The following ST7L variants were observed in gnomAD, a reference collection of about 807,000 sequenced individuals.
ST7L encodes suppressor of tumorigenicity 7 protein-like.
ST7L carries 57 observed loss-of-function variants against 72.5 expected under a neutral mutation model. The observed-to-expected ratio is 0.79, with a 90% CI of 0.64 to 0.98. The LOEUF (loss-of-function observed/expected upper bound fraction) is 0.98, where lower values mean the gene tolerates loss of function less well. Among genes scored for constraint, ST7L ranks in the 50% least tolerant of loss-of-function variants. The pLI, the probability that ST7L is intolerant of heterozygous loss-of-function variation, is 0.00. For synonymous variants in ST7L, 221 were observed against 240.9 expected (o/e 0.92, Z 0.77); for missense variants, 576 against 672.2 (o/e 0.86, Z 1.58).
At chr1:112,603,599 C>T (rs527841723) in intron 3 of ST7L, among the ~76,000 whole-genome samples, 99 of 152,240 alleles carry the variant, frequency 6.5e-4, no homozygotes, top group Non-Finnish European at 1.3e-3. Flanking sequence ...CTTCTATTAA[C>T]TGAACTTTTT....
rs368009648 is a variant in ST7L at position 112,568,537 on chromosome 1, G to A, written c.1245+8449C>T. Reference sequence around the variant, plus strand: ...TTTTTAGTAGAGACGGAGTTTCACCGTGTTAGCCAGGATGGTCTCGATCTC... The same window carrying A: ...TTTTTAGTAGAGACGGAGTTTCACCATGTTAGCCAGGATGGTCTCGATCTC... On this transcript the variant is annotated intron_variant, in intron 11 of 14. Coordinates refer to ENST00000358039, the MANE Select transcript of ST7L (RefSeq NM_017744.5). Among the ~76,000 whole-genome samples the A allele has an allele frequency of 7.3e-5, 11 of 150,844 alleles. 1 individual carries two copies. Among genetic ancestry groups the A allele is most frequent in the African/African-American group, 1.9e-4 (8 of 41,158 alleles).
At chr1:112,584,511 G>C (rs988547528) in intron 6 of ST7L, among the ~76,000 whole-genome samples, 2 of 151,440 alleles carry the variant, frequency 1.3e-5, no homozygotes, top group African/African-American at 4.9e-5. Context: ...TTTTGAGATG[G>C]AATTTTGCTT....
intron 6 of ST7L, among the ~76,000 whole-genome samples, chr1:112,585,117 G>A (rs1664680700): frequency 6.6e-6 from 1 of 152,154 alleles, no homozygotes; most frequent in African/African-American, 2.4e-5. Context: ...AAAACACAGA[G>A]GCTTTTCTTT....
chr1:112,568,861 A>ATATATATATATATAT (rs1661536936), intron 11 of ST7L, among the ~76,000 whole-genome samples: 20 of 114,852 alleles, frequency 1.7e-4, no homozygotes, highest in Admixed American at 5.4e-4. Flanking sequence ...TATAAATATA[A>ATATATATATATATAT]ATATATATAT....
At chr1:112,616,648 CAGA>C (rs1295002506) in intron 2 of ST7L, among the ~76,000 whole-genome samples, 162 bp downstream of exon 2, 1 of 151,622 alleles carries the variant, frequency 6.6e-6, no homozygotes, top group African/African-American at 2.4e-5. Context: ...GAGGCTGAGA[CAGA>C]AGAATTGCTG....
At chr1:112,601,023 T>C (rs1315813149) in intron 3 of ST7L, among the ~76,000 whole-genome samples, 175 bp from the exon 4 acceptor site, 1 of 152,178 alleles carries the variant, frequency 6.6e-6, no homozygotes, top group African/African-American at 2.4e-5. Context: ...CTTATTTCTG[T>C]CTCCATAGTA....
At chr1:112,551,423 C>G (rs1021994286) in intron 12 of ST7L, among the ~76,000 whole-genome samples, 1 of 152,170 alleles carries the variant, frequency 6.6e-6, no homozygotes, top group African/African-American at 2.4e-5. Flanking sequence ...GCTGGGATTA[C>G]AGGTGTGAGC....
At chr1:112,542,869 G>A (rs181354516) in intron 13 of ST7L, among the ~76,000 whole-genome samples, 274 of 151,908 alleles carry the variant, frequency 1.8e-3, no homozygotes, top group Middle Eastern at 3.4e-3. Context: ...ACATGATCTC[G>A]GCTCACTGCA....
intron 14 of ST7L, chr1:112,529,607 T>G (rs1447606940): frequency 6.6e-6 from 1 of 152,148 alleles, no homozygotes; most frequent in Non-Finnish European, 1.5e-5. Flanking sequence ...AAGATAGGCA[T>G]AGAGACAGAA....
In ST7L at chr1:112,595,941, T is replaced by C. The variant is rs1275000596; in HGVS notation, c.622+2030A>G. The stretch of plus-strand genomic sequence containing the variant: ...TTTGGGAGATATTCAAATAAAAATG[T>C]TTTAATACCACAACTTCAGTAGATA... On this transcript the variant is annotated intron_variant, in intron 5 of 14. Coordinates refer to ENST00000358039, the MANE Select transcript of ST7L (RefSeq NM_017744.5). Among the ~76,000 whole-genome samples, 4 of 152,318 alleles carry C rather than the reference T, an allele frequency of 2.6e-5. No individual in the cohort carries two copies. The East Asian group carries it at 7.7e-4, about 29-fold the overall frequency.
At chr1:112,539,462 C>G (rs933652219) in intron 14 of ST7L, among the ~76,000 whole-genome samples, 3 of 152,038 alleles carry the variant, frequency 2.0e-5, no homozygotes, top group Admixed American at 6.6e-5. Flanking sequence ...TCGAGACCAG[C>G]CTGGCCAACA....
chr1:112,525,859 A>G lies in ST7L; in HGVS notation c.*154T>C. The G allele has an allele frequency of 3.8e-6, 4 of 1,055,006 alleles. No homozygotes were observed. The highest frequency in any genetic ancestry group is 5.2e-6 in the Non-Finnish European group (4 of 766,030). The allele number at this position is 1,055,006 out of a possible 1,614,324, so 65.4% of individuals were successfully genotyped here. On this transcript the variant is annotated 3_prime_UTR_variant, in exon 15 of 15. Coordinates refer to ENST00000358039, the MANE Select transcript of ST7L (RefSeq NM_017744.5). ...TTCCAAGGGGGGTTTGCCTAGGAAT[A>G]ACAATATTCATAAGAAGCTTTTTCA... is the stretch of plus-strand genomic sequence containing the variant.
Position 112,598,074 on chromosome 1 carries a change from C to T in ST7L, c.519G>A (p.Val173=). 1 of 1,611,676 alleles carries T rather than the reference C, an allele frequency of 6.2e-7. No individual in the cohort carries two copies. Among genetic ancestry groups the T allele is most frequent in the South Asian group, 1.1e-5 (1 of 90,656 alleles). Residue 173 remains valine, a synonymous_variant, in exon 5 of 15, where the codon GTG becomes GTA. Coordinates refer to ENST00000358039, the MANE Select transcript of ST7L (RefSeq NM_017744.5). ...AGTATGTAAGTGGCTCTTTACCAGT[C>T]ACCCAAGTGTATCTTTACCAAAACA... is the stretch of plus-strand genomic sequence containing the variant. ...RGAEYRRYTW[V]TGKEPLTYYD...
At chr1:112,606,347 C>G (rs1177585106) in intron 3 of ST7L, among the ~76,000 whole-genome samples, 3 of 152,192 alleles carry the variant, frequency 2.0e-5, no homozygotes, top group Non-Finnish European at 4.4e-5. Context: ...GCTTAGAAAT[C>G]TCCTCAGCTA....
At chr1:112,595,929 C>T (rs145750165) in intron 5 of ST7L, among the ~76,000 whole-genome samples, 374 of 152,140 alleles carry the variant, frequency 2.5e-3, no homozygotes, top group African/African-American at 8.3e-3. Flanking sequence ...GGGAGATATT[C>T]AAATAAAAAT....
At chr1:112,578,155 G>A (rs1006218365) in intron 10 of ST7L, among the ~76,000 whole-genome samples, 190 bp downstream of exon 10, 1 of 152,110 alleles carries the variant, frequency 6.6e-6, no homozygotes, top group Non-Finnish European at 1.5e-5. Flanking sequence ...GTTTGAATTT[G>A]AGCTCAGGTT....
At chr1:112,610,291 TA>T (rs1436012876) in intron 3 of ST7L, among the ~76,000 whole-genome samples, 1 of 152,088 alleles carries the variant, frequency 6.6e-6, no homozygotes, top group Non-Finnish European at 1.5e-5. Flanking sequence ...CACGACAAAG[TA>T]AAAACTACAT....
chr1:112,582,117 A>C lies in ST7L; in HGVS notation c.955-11T>G. 1.3e-6 allele frequency: 2 copies of C among 1,536,284 alleles called. No homozygotes were observed. The highest frequency in any genetic ancestry group is 1.8e-6 in the Non-Finnish European group (2 of 1,113,002). On this transcript the variant is annotated splice_polypyrimidine_tract_variant and intron_variant, in intron 8 of 14. Transcript: ENST00000358039. ...AAATTCTTTCATCAACTGTATATTAAAAGGAAAAGAAAGATTAAAATCATA... is the reference window on the plus strand; with the variant it reads ...AAATTCTTTCATCAACTGTATATTACAAGGAAAAGAAAGATTAAAATCATA...
downstream of ST7L, chr1:112,523,475 C>T (rs1652992513): frequency 6.6e-6 from 1 of 152,206 alleles, no homozygotes; most frequent in Non-Finnish European, 1.5e-5. Flanking sequence ...TGGCTTTACA[C>T]AACTGGCATT....
Sources: gnomAD v4.1 joint callset for allele counts (sites outside exome capture counted in the v4.1 genomes callset) on GRCh38, gnomAD v4.1.1 for gene constraint, MANE v1.5 for transcripts, NCBI Gene and HGNC (gene_info 2026-07-23, HGNC 2026-07-21) for gene names.